RIMS2: variants seen among roughly 807,000 people sequenced by gnomAD.
RIMS2 encodes regulating synaptic membrane exocytosis 2.
In RIMS2, 59 loss-of-function variants were observed where a neutral mutation model predicts 174.4. That is an observed-to-expected ratio of 0.34 (90% CI 0.27 to 0.42). RIMS2 has a LOEUF of 0.42. RIMS2 is among the 10% of genes least tolerant of loss of function. The pLI is 1.00. For missense variants in RIMS2, 1,620 were observed against 1,666.3 expected, an observed-to-expected ratio of 0.97 and a Z score of 0.48; for synonymous variants, 606 against 572.5, an observed-to-expected ratio of 1.06 and a Z score of -0.84.
intron 1 of RIMS2, among the ~76,000 whole-genome samples, chr8:103,583,528 A>T (rs576214382): frequency 8.5e-5 from 13 of 152,306 alleles, no homozygotes; most frequent in African/African-American, 2.6e-4. Flanking sequence ...AAACACAGCT[A>T]TTTTGAAATC....
At position 103,572,569 on chromosome 8, in the gene RIMS2, T is replaced by TG. The variant is rs1448287914; in HGVS notation, c.176+71507_176+71508insG. 5.9e-5 allele frequency among the ~76,000 whole-genome samples: 9 copies of TG among 152,240 alleles called. No homozygotes were observed. The South Asian group carries it at 8.3e-4, about 14-fold the overall frequency. ...GCAGCATTGCCAAAATCTGTTTGTT[T>TG]TTTTTTTCACTTTTTAATAATGGCC... On this transcript the variant is annotated intron_variant, in intron 1 of 23. Coordinates refer to ENST00000504942, the Ensembl canonical transcript of RIMS2.
intron 19 of RIMS2, among the ~76,000 whole-genome samples, chr8:104,096,783 G>A (rs902220058): frequency 6.6e-6 from 1 of 151,540 alleles, no homozygotes; most frequent in Non-Finnish European, 1.5e-5. Context: ...TGGGAGAATC[G>A]CTTGAACCCA....
At chr8:104,234,802 T>G (rs1031141085) in intron 19 of RIMS2, among the ~76,000 whole-genome samples, 2 of 152,174 alleles carry the variant, frequency 1.3e-5, no homozygotes, top group African/African-American at 2.4e-5. Context: ...TCCTCTGGCT[T>G]GATCCCTCTG....
intron 1 of RIMS2, among the ~76,000 whole-genome samples, chr8:103,595,032 A>T (rs955760718): frequency 6.6e-6 from 1 of 151,794 alleles, no homozygotes; most frequent in African/African-American, 2.4e-5. Flanking sequence ...CTGTGAGTAG[A>T]TGACCATGTC....
chr8:103,506,596 T>C (rs1586394917), intron 1 of RIMS2, among the ~76,000 whole-genome samples: 1 of 152,318 alleles, frequency 6.6e-6, no homozygotes, highest in East Asian at 1.9e-4. Context: ...CTAAGTATCC[T>C]GGCATAAGTA....
At chr8:103,514,942 AAC>A (rs1563599546) in intron 1 of RIMS2, among the ~76,000 whole-genome samples, 1 of 152,030 alleles carries the variant, frequency 6.6e-6, no homozygotes, top group Non-Finnish European at 1.5e-5. Context: ...AACAAAAAAA[AAC>A]ACACACAAAA....
intron 19 of RIMS2, among the ~76,000 whole-genome samples, chr8:104,043,501 G>A (rs2096643664): frequency 6.6e-6 from 1 of 151,586 alleles, no homozygotes; most frequent in Non-Finnish European, 1.5e-5. Context: ...GGTTGGCAAG[G>A]GAAGTAGTTG....
chr8:104,253,065 A>C (rs1564025459), downstream of RIMS2: 1 of 152,212 alleles, frequency 6.6e-6, no homozygotes, highest in Admixed American at 6.5e-5. Context: ...GGAGTACATT[A>C]AAGTAAGTCA....
At chr8:104,250,970 C>A in intron 22 of RIMS2, 54 bp from the exon 29 acceptor site, 3 of 1,513,238 alleles carry the variant, frequency 2.0e-6, no homozygotes, top group Middle Eastern at 1.7e-4. Context: ...CGTGCGTCGG[C>A]CATTTCATGT....
At chr8:103,563,109 G>A (rs2091856696) in intron 1 of RIMS2, among the ~76,000 whole-genome samples, 1 of 152,180 alleles carries the variant, frequency 6.6e-6, no homozygotes, top group Non-Finnish European at 1.5e-5. Context: ...TCTCTGACAA[G>A]CCCTGGAGAC....
chr8:103,585,102 A>C (rs757031890), intron 1 of RIMS2, among the ~76,000 whole-genome samples: 3 of 152,190 alleles, frequency 2.0e-5, no homozygotes, highest in Non-Finnish European at 2.9e-5. Context: ...GACATTTCTC[A>C]AAAGAAGACA....
chr8:103,537,841 G>A (rs1840553239), intron 1 of RIMS2, among the ~76,000 whole-genome samples: 1 of 151,722 alleles, frequency 6.6e-6, no homozygotes, highest in South Asian at 2.1e-4. Flanking sequence ...GTTTTCTATG[G>A]CATATTTTTT....
intron 3 of RIMS2, among the ~76,000 whole-genome samples, chr8:103,786,347 T>G (rs2098443640): frequency 6.6e-6 from 1 of 152,114 alleles, no homozygotes; most frequent in African/African-American, 2.4e-5. Context: ...TTTCTAGTTC[T>G]TTTAATTGTG....
intron 2 of RIMS2, among the ~76,000 whole-genome samples, chr8:103,737,498 C>T (rs2139183604): frequency 6.6e-6 from 1 of 152,048 alleles, no homozygotes; most frequent in Middle Eastern, 3.4e-3. Flanking sequence ...GGAATAACTT[C>T]TTAATTGGTC....
At chr8:103,602,104 G>A (rs2094779416) in intron 1 of RIMS2, among the ~76,000 whole-genome samples, 1 of 152,084 alleles carries the variant, frequency 6.6e-6, no homozygotes, top group Non-Finnish European at 1.5e-5. Flanking sequence ...TCCTGCCTCA[G>A]CCTCCTGAGT....
intron 2 of RIMS2, among the ~76,000 whole-genome samples, chr8:103,699,004 T>C (rs1303240163): frequency 6.6e-6 from 1 of 152,188 alleles, no homozygotes; most frequent in Non-Finnish European, 1.5e-5. Flanking sequence ...GGGAAGGTTT[T>C]TAAGTAAGGT....
intron 1 of RIMS2, among the ~76,000 whole-genome samples, chr8:103,611,863 T>C (rs1030640810): frequency 1.1e-4 from 17 of 152,266 alleles, no homozygotes; most frequent in Middle Eastern, 3.4e-3. Context: ...CAATAAACTT[T>C]CTATCTATAT....
intron 2 of RIMS2, among the ~76,000 whole-genome samples, chr8:103,703,193 G>T (rs1319340670): frequency 6.6e-6 from 1 of 151,326 alleles, no homozygotes; most frequent in African/African-American, 2.4e-5. Flanking sequence ...ATGTTGTCCT[G>T]GCTGGTTTCA....
intron 1 of RIMS2, among the ~76,000 whole-genome samples, chr8:103,522,695 G>A (rs927167134): frequency 4.6e-5 from 7 of 152,026 alleles, no homozygotes; most frequent in East Asian, 1.9e-4. Flanking sequence ...AAGAGTAATC[G>A]ATTATTTATA....
Sources: allele counts gnomAD v4.1 joint callset (sites outside exome capture counted in the v4.1 genomes callset), GRCh38; gene constraint gnomAD v4.1.1; transcripts MANE v1.5; gene names NCBI Gene and HGNC (gene_info 2026-07-23, HGNC 2026-07-21).